Variants in SLC25A21 observed in about 807,000 individuals in gnomAD.
The protein encoded by SLC25A21 is solute carrier family 25 member 21, also known as mitochondrial 2-oxodicarboxylate carrier.
In SLC25A21, 47 loss-of-function variants were observed where a neutral mutation model predicts 43.8. The ratio of observed to expected loss-of-function variants is 1.07; its 90% CI spans 0.85 to 1.37. The LOEUF (loss-of-function observed/expected upper bound fraction) is 1.37, where lower values mean the gene tolerates loss of function less well. SLC25A21 is among the 40% of genes most tolerant of loss of function. The pLI, the probability that SLC25A21 is intolerant of heterozygous loss-of-function variation, is 0.00. For missense variants in SLC25A21, 352 were observed against 350.2 expected, an observed-to-expected ratio of 1.00 and a Z score of -0.04; for synonymous variants, 131 against 121.3, an observed-to-expected ratio of 1.08 and a Z score of -0.52.
At chr14:36,850,260 T>C (rs867690428) in intron 2 of SLC25A21, among the ~76,000 whole-genome samples, 10 of 152,206 alleles carry the variant, frequency 6.6e-5, no homozygotes, top group African/African-American at 2.2e-4. Context: ...TTGCAACCAA[T>C]AATTGACTCT....
intron 1 of SLC25A21, among the ~76,000 whole-genome samples, chr14:36,992,027 T>C (rs924942149): frequency 6.6e-6 from 1 of 152,222 alleles, no homozygotes; most frequent in Non-Finnish European, 1.5e-5. Flanking sequence ...CTTTATTTCT[T>C]GTTTAGCACA....
At chr14:36,884,561 C>T (rs1021568968) in intron 1 of SLC25A21, among the ~76,000 whole-genome samples, 3 of 152,126 alleles carry the variant, frequency 2.0e-5, no homozygotes, top group Non-Finnish European at 2.9e-5. Context: ...ATACTGTGTT[C>T]CATAATGGCT....
rs764073879 is a variant in SLC25A21, at chr14:36,679,495, G to GCAT, written c.*1160_*1162dup. The GCAT allele has an allele frequency of 1.8e-4, 173 of 985,266 alleles. No individual in the cohort carries two copies. The highest frequency in any genetic ancestry group is 2.0e-4 in the Non-Finnish European group (164 of 829,912). The allele number at this position is 985,266 out of a possible 1,614,324, so 61.0% of individuals were successfully genotyped here. ...TATTCTTGTTGACTTTACTGAATCA[G>GCAT]CATCATCTCTGGATGCAGATATAAA... On this transcript the variant is annotated 3_prime_UTR_variant, in exon 10 of 10. Transcript: ENST00000331299.
rs368763639 is a variant in SLC25A21 at position 36,711,610 on chromosome 14, G to A, written c.439-128C>T. The A allele has an allele frequency of 4.1e-4, 402 of 982,990 alleles. 1 individual carries two copies. The African/African-American group carries it at 5.9e-3, about 15-fold the overall frequency. The allele number at this position is 982,990 out of a possible 1,614,324, so 60.9% of individuals were successfully genotyped here. ...TTTTCCCCCAGATATGAATAATCAT[G>A]CCTAGAACTGTGTTTTTTAAAATCA... On this transcript the variant is annotated intron_variant, in intron 6 of 9. Coordinates refer to ENST00000331299, the MANE Select transcript of SLC25A21 (RefSeq NM_030631.4).
At chr14:36,681,855 C>T (rs565616542) in intron 9 of SLC25A21, among the ~76,000 whole-genome samples, 76 of 152,206 alleles carry the variant, frequency 5.0e-4, no homozygotes, top group African/African-American at 1.6e-3. Context: ...CTTAGCTTCT[C>T]TAGGCCTCTT....
At chr14:36,768,858 G>C (rs1318424098) in intron 3 of SLC25A21, among the ~76,000 whole-genome samples, 4 of 151,348 alleles carry the variant, frequency 2.6e-5, no homozygotes, top group African/African-American at 9.7e-5. Flanking sequence ...ACTTTGGAAG[G>C]CTGAGGCAGA....
chr14:36,723,726 T>C (rs1884469113), intron 6 of SLC25A21, among the ~76,000 whole-genome samples: 1 of 152,220 alleles, frequency 6.6e-6, no homozygotes, highest in African/African-American at 2.4e-5. Flanking sequence ...CAGAGCCTCC[T>C]TGAGGGCAAT....
At chr14:36,771,157 C>T (rs1025266436) in intron 3 of SLC25A21, among the ~76,000 whole-genome samples, 10 of 152,110 alleles carry the variant, frequency 6.6e-5, no homozygotes, top group African/African-American at 2.4e-4. Flanking sequence ...TGGTCTTTGG[C>T]CTGGCTGAAA....
At chr14:37,047,240 C>T (rs1961605511) in intron 1 of SLC25A21, among the ~76,000 whole-genome samples, 2 of 152,154 alleles carry the variant, frequency 1.3e-5, no homozygotes, top group Admixed American at 1.3e-4. Flanking sequence ...GGGTATACTG[C>T]ACGCTGAAGG....
intron 2 of SLC25A21, among the ~76,000 whole-genome samples, chr14:36,854,630 C>A (rs1889843815): frequency 6.6e-6 from 1 of 152,150 alleles, no homozygotes; most frequent in East Asian, 1.9e-4. Flanking sequence ...TTTTTATTAC[C>A]ATTATCACTA....
At chr14:36,734,676 G>C (rs1884962577) in intron 3 of SLC25A21, 103 bp from the exon 4 acceptor site, 1 of 801,522 alleles carries the variant, frequency 1.2e-6, no homozygotes. Context: ...ATTCAACATA[G>C]CACACCAATC....
chr14:36,902,720 G>A (rs939166655), intron 1 of SLC25A21, among the ~76,000 whole-genome samples: 13 of 152,112 alleles, frequency 8.5e-5, no homozygotes, highest in African/African-American at 2.9e-4. Flanking sequence ...ATTGTGGCGG[G>A]GCACAGTGGC....
chr14:36,750,286 C>T (rs529034764), intron 3 of SLC25A21, among the ~76,000 whole-genome samples: 116 of 152,282 alleles, frequency 7.6e-4, no homozygotes, highest in African/African-American at 2.7e-3. Flanking sequence ...CAAATGTAGA[C>T]TTCAATAAAT....
chr14:36,907,286 A>T (rs1174505181), intron 1 of SLC25A21, among the ~76,000 whole-genome samples: 2 of 152,156 alleles, frequency 1.3e-5, no homozygotes, highest in Non-Finnish European at 2.9e-5. Flanking sequence ...CCATCAAATC[A>T]ACTGCAAAAA....
chr14:37,051,575 G>T (rs988216326), intron 1 of SLC25A21, among the ~76,000 whole-genome samples: 1 of 152,170 alleles, frequency 6.6e-6, no homozygotes, highest in Non-Finnish European at 1.5e-5. Flanking sequence ...AATTGGAAAA[G>T]AGTTTAACAA....
intron 2 of SLC25A21, among the ~76,000 whole-genome samples, chr14:36,846,527 G>C (rs1362656942): frequency 6.6e-6 from 1 of 151,948 alleles, no homozygotes; most frequent in African/African-American, 2.4e-5. Context: ...GATTACAGGT[G>C]CCTGCCACCA....
chr14:36,937,475 A>G (rs1361302961), intron 1 of SLC25A21, among the ~76,000 whole-genome samples: 1 of 152,206 alleles, frequency 6.6e-6, no homozygotes, highest in African/African-American at 2.4e-5. Context: ...ATTGCGGCCT[A>G]TTGGTGATAA....
chr14:36,980,286 T>C (rs908769185), intron 1 of SLC25A21, among the ~76,000 whole-genome samples: 2 of 152,210 alleles, frequency 1.3e-5, no homozygotes, highest in South Asian at 4.1e-4. Flanking sequence ...AATTTGAATG[T>C]TGGCCTGCCT....
intron 1 of SLC25A21, among the ~76,000 whole-genome samples, chr14:37,037,325 T>G (rs1409687649): frequency 2.0e-5 from 3 of 152,226 alleles, no homozygotes; most frequent in African/African-American, 7.2e-5. Context: ...CTCTTCAGTA[T>G]CCACTATTGA....
Sources: gnomAD v4.1 joint callset for allele counts (sites outside exome capture counted in the v4.1 genomes callset) on GRCh38, gnomAD v4.1.1 for gene constraint, MANE v1.5 for transcripts, NCBI Gene and HGNC (gene_info 2026-07-23, HGNC 2026-07-21) for gene names.